Variants in NPIPA7 observed in about 807,000 individuals in gnomAD.
NPIPA7 encodes nuclear pore complex-interacting protein family member A7.
In NPIPA7 at chr16:16,387,421, TC is replaced by T; in HGVS notation, c.218del (p.Pro73HisfsTer52). ...TAGGTGTCTTTCCTGAAGACTATCTTCCCATCTCAAAATGGACATGATGGAT... is the reference window on the plus strand; with the variant it reads ...TAGGTGTCTTTCCTGAAGACTATCTTCCATCTCAAAATGGACATGATGGAT... On this transcript the variant is annotated frameshift_variant, in exon 3 of 8. Coordinates refer to ENST00000530217, the Ensembl canonical transcript of NPIPA7. LOFTEE classifies it high-confidence loss of function. 3 of 866,848 alleles carry T rather than the reference TC, an allele frequency of 3.5e-6. 1 individual carries two copies. The highest frequency in any genetic ancestry group is 5.3e-6 in the Non-Finnish European group (3 of 566,370). 53.7% of individuals were successfully genotyped at this position (866,848 alleles called of 1,614,324 possible).
In NPIPA7 at chr16:16,387,996, C is replaced by A. The variant is rs540466974; in HGVS notation, c.437+190C>A. ...TTTCCCTTCCTACATTCTTGTTTGT[C>A]ATTTTTTCAGGGGAAGAGGAGTTGC... On this transcript the variant is annotated intron_variant, in intron 4 of 7. Transcript: ENST00000530217. Among the ~76,000 whole-genome samples the A allele has an allele frequency of 1.3e-3, 116 of 86,450 alleles. 15 individuals are homozygous for A. The highest frequency in any genetic ancestry group is 1.4e-3 in the Non-Finnish European group (69 of 48,546). 56.7% of individuals were successfully genotyped at this position (86,450 alleles called of 152,430 possible). A position where few individuals can be genotyped will look rare whatever the true frequency, so the allele number is the denominator to read the frequency against.
At chr16:16,386,239 G>T (rs1481634481) in intron 2 of NPIPA7, among the ~76,000 whole-genome samples, 1 of 124,410 alleles carries the variant, frequency 8.0e-6, no homozygotes, top group Non-Finnish European at 1.7e-5. Context: ...TCTGAGTAGA[G>T]CAGGGACAGA....
At position 16,388,034 on chromosome 16, in the gene NPIPA7, G is replaced by T. The variant is rs183460721; in HGVS notation, c.437+228G>T. ...GAAGAGGAGTTGCTAGTACTGCATT[G>T]GTTTTCCTTTCTCTCTCTTTTTTTT... On this transcript the variant is annotated intron_variant, in intron 4 of 7. Coordinates refer to ENST00000530217, the Ensembl canonical transcript of NPIPA7. 4.4e-3 allele frequency among the ~76,000 whole-genome samples: 387 copies of T among 88,350 alleles called. 79 individuals are homozygous for T. The highest frequency in any genetic ancestry group is 6.2e-3 in the Admixed American group (47 of 7,578). The allele number at this position is 88,350 out of a possible 152,430, so 58.0% of individuals were successfully genotyped here. A position where few individuals can be genotyped will look rare whatever the true frequency, so the allele number is the denominator to read the frequency against.
chr16:16,386,597 G>A (rs1337461915), intron 2 of NPIPA7, among the ~76,000 whole-genome samples: 2 of 106,400 alleles, frequency 1.9e-5, no homozygotes, highest in Non-Finnish European at 4.0e-5. Context: ...CTACAGGCGT[G>A]GGCCACCATG....
chr16:16,382,130 C>T (rs1244822162), intron 1 of NPIPA7, among the ~76,000 whole-genome samples: 1 of 109,078 alleles, frequency 9.2e-6, no homozygotes, highest in Non-Finnish European at 1.9e-5. Flanking sequence ...TTTACTTATG[C>T]TGAGCTTTAA....
intron 2 of NPIPA7, among the ~76,000 whole-genome samples, chr16:16,386,371 A>G (rs1405615838): frequency 7.1e-6 from 1 of 140,632 alleles, no homozygotes. Context: ...ACCTGTGGTA[A>G]AATACTTACA....
chr16:16,386,237 G>A (rs2050122582), intron 2 of NPIPA7, among the ~76,000 whole-genome samples: 1 of 124,020 alleles, frequency 8.1e-6, no homozygotes, highest in South Asian at 2.8e-4. Flanking sequence ...ACTCTGAGTA[G>A]AGCAGGGACA....
chr16:16,388,310 G>T (rs1192297981), intron 4 of NPIPA7, among the ~76,000 whole-genome samples: 1 of 37,076 alleles, frequency 2.7e-5, no homozygotes, highest in African/African-American at 1.3e-4. Context: ...GCCTCCCAAA[G>T]TGCTGGGATT....
rs548858144 is a variant in NPIPA7 at position 16,382,112 on chromosome 16, T to A, written c.64-1552T>A. Among the ~76,000 whole-genome samples the A allele has an allele frequency of 1.9e-4, 21 of 110,930 alleles. 2 individuals are homozygous for A. Among genetic ancestry groups the A allele is most frequent in the Admixed American group, 5.1e-4 (6 of 11,798 alleles). 72.8% of individuals were successfully genotyped at this position (110,930 alleles called of 152,430 possible). ...AATGAAGTAATCTCTTCATTGTATT[T>A]TTTTTTTTTTACTTATGCTGAGCTT... On this transcript the variant is annotated intron_variant, in intron 1 of 7. Coordinates refer to ENST00000530217, the Ensembl canonical transcript of NPIPA7.
intron 2 of NPIPA7, among the ~76,000 whole-genome samples, chr16:16,387,076 G>A (rs1431454120): frequency 7.9e-6 from 1 of 126,004 alleles, no homozygotes; most frequent in African/African-American, 2.8e-5. Flanking sequence ...GTGTGTGTGT[G>A]TGTGTGTGTG....
At chr16:16,386,991 C>CA (rs2050159372) in intron 2 of NPIPA7, among the ~76,000 whole-genome samples, 1 of 145,726 alleles carries the variant, frequency 6.9e-6, no homozygotes, top group Non-Finnish European at 1.5e-5. Flanking sequence ...TCAGGTGATC[C>CA]GCCTGCCTCG....
chr16:16,382,034 C>T (rs1415722573), intron 1 of NPIPA7, among the ~76,000 whole-genome samples: 16 of 80,688 alleles, frequency 2.0e-4, no homozygotes, highest in South Asian at 4.0e-4. Flanking sequence ...TGAGCCACCA[C>T]GCCCAGCCCA....
In NPIPA7 at chr16:16,388,596, T is replaced by G. The variant is rs868197117; in HGVS notation, c.437+790T>G. The stretch of plus-strand genomic sequence containing the variant: ...CCCAGGCTAGAGTGCGGTGGCATGA[T>G]CTTGGCTCACTGCAACTTCCGCCTC... On this transcript the variant is annotated intron_variant, in intron 4 of 7. Coordinates refer to ENST00000530217, the Ensembl canonical transcript of NPIPA7. Among the ~76,000 whole-genome samples, 74 of 20,286 alleles carry G rather than the reference T, an allele frequency of 3.6e-3. 1 individual carries two copies. Among genetic ancestry groups the G allele is most frequent in the African/African-American group, 0.014 (73 of 5,290 alleles). 13.3% of individuals were successfully genotyped at this position (20,286 alleles called of 152,430 possible). A position where few individuals can be genotyped will look rare whatever the true frequency, so the allele number is the denominator to read the frequency against.
chr16:16,386,992 G>A lies in NPIPA7; in HGVS notation c.193-407G>A, dbSNP rs561543748. Among the ~76,000 whole-genome samples, 64 of 144,236 alleles carry A rather than the reference G, an allele frequency of 4.4e-4. 1 individual carries two copies. The highest frequency in any genetic ancestry group is 3.6e-3 in the Middle Eastern group (1 of 278). The allele number at this position is 144,236 out of a possible 152,430, so 94.6% of individuals were successfully genotyped here. A position where few individuals can be genotyped will look rare whatever the true frequency, so the allele number is the denominator to read the frequency against. On this transcript the variant is annotated intron_variant, in intron 2 of 7. Coordinates refer to ENST00000530217, the Ensembl canonical transcript of NPIPA7. ...TCAAACTCCCGACCTCAGGTGATCCGCCTGCCTCGGCCTCCCAAAGTACTG... is the reference window on the plus strand; with the variant it reads ...TCAAACTCCCGACCTCAGGTGATCCACCTGCCTCGGCCTCCCAAAGTACTG...
At chr16:16,386,449 T>A (rs2050131165) in intron 2 of NPIPA7, among the ~76,000 whole-genome samples, 1 of 3,444 alleles carries the variant, frequency 2.9e-4, no homozygotes, top group African/African-American at 2.1e-3. Context: ...TTCATGTCAT[T>A]TTTTTTTTTT....
chr16:16,386,800 A>G (rs1392409673), intron 2 of NPIPA7, among the ~76,000 whole-genome samples: 1 of 122,546 alleles, frequency 8.2e-6, no homozygotes, highest in South Asian at 2.7e-4. Context: ...CCCAGGTTGG[A>G]GTGCAATGGC....
intron 1 of NPIPA7, among the ~76,000 whole-genome samples, chr16:16,382,197 C>T (rs1366136929): frequency 3.3e-5 from 3 of 90,922 alleles, no homozygotes; most frequent in Non-Finnish European, 6.4e-5. Context: ...ATTCTTTTAC[C>T]ATGTGATATA....
At chr16:16,388,048 TC>T (rs2050201540) in intron 4 of NPIPA7, among the ~76,000 whole-genome samples, 3 of 16,374 alleles carry the variant, frequency 1.8e-4, no homozygotes, top group Non-Finnish European at 2.5e-4. Flanking sequence ...TTCCTTTCTC[TC>T]TCTTTTTTTT....
chr16:16,386,691 A>C (rs1377020473), intron 2 of NPIPA7, among the ~76,000 whole-genome samples: 7 of 117,966 alleles, frequency 5.9e-5, no homozygotes, highest in East Asian at 2.5e-4. Context: ...CTTGTGATTC[A>C]CCCGCCTCGG....
Sources: gnomAD v4.1 joint callset for allele counts (sites outside exome capture counted in the v4.1 genomes callset) on GRCh38, gnomAD v4.1.1 for gene constraint, MANE v1.5 for transcripts, NCBI Gene and HGNC (gene_info 2026-07-23, HGNC 2026-07-21) for gene names.